Variants in CD93 observed in about 807,000 individuals in gnomAD.
CD93 encodes the protein CD93 molecule.
A neutral mutation model predicts 45.5 loss-of-function variants in CD93; 44 were observed. The observed-to-expected ratio is 0.97, with a 90% CI of 0.76 to 1.24. CD93 has a LOEUF of 1.24. Ranked by LOEUF, CD93 falls within the 50% of genes most tolerant of loss-of-function variation. The pLI is 0.00. For synonymous variants in CD93, 431 were observed against 370.8 expected, an observed-to-expected ratio of 1.16 and a Z score of -1.87; for missense variants, 918 against 844.5, an observed-to-expected ratio of 1.09 and a Z score of -1.08.
In CD93 at chr20:23,085,360, C is replaced by T. The variant is rs200571735; in HGVS notation, c.833G>A (p.Gly278Glu). ...NGGCHQDCFE[G>E]GDGSFLCGCR... Reference sequence around the variant, plus strand: ...GCCGCAGAGGAAGGAGCCATCCCCCCCTTCAAAGCAGTCCTGGTGGCAGCC... The same window carrying T: ...GCCGCAGAGGAAGGAGCCATCCCCCTCTTCAAAGCAGTCCTGGTGGCAGCC... Residue 278 changes from glycine to glutamate, a missense_variant, in exon 1 of 2, where the codon GGG becomes GAG. By Grantham distance (98) the Gly-to-Glu change is moderately conservative. Transcript: ENST00000246006. 1.8e-4 allele frequency: 284 copies of T among 1,614,048 alleles called. 1 individual carries two copies. Among genetic ancestry groups the T allele is most frequent in the Non-Finnish European group, 2.3e-4 (266 of 1,179,996 alleles).
Position 23,085,726 on chromosome 20 carries a change from C to T in CD93, c.467G>A (p.Arg156His), listed in dbSNP as rs1489790839. 1.5e-5 allele frequency: 24 copies of T among 1,611,050 alleles called. No homozygotes were observed. Among genetic ancestry groups the T allele is most frequent in the African/African-American group, 2.7e-5 (2 of 75,048 alleles). The change falls in exon 1 of 2, where the codon CGC becomes CAC. Residue 156 changes from arginine to histidine, a missense_variant. Coordinates refer to ENST00000246006, the MANE Select transcript of CD93 (RefSeq NM_012072.4). ...LDLSQPLLPS[R>H]LPKWSEGPCG... ...GGGGCCCTCAGACCACTTGGGGAGG[C>T]GGCTGGGAAGGAGCGGCTGGGACAG...
Position 23,086,306 on chromosome 20 carries a change from C to G in CD93, c.-114G>C, listed in dbSNP as rs1239368134. On this transcript the variant is annotated 5_prime_UTR_variant, in exon 1 of 2. Transcript: ENST00000246006. ...AGCTGAGGGGTGAGCTGCAGCCACT[C>G]CGGCGCAGAGAAGGACACAAAGGCT... 6 of 1,315,206 alleles carry G rather than the reference C, an allele frequency of 4.6e-6. No individual in the cohort carries two copies. In the African/African-American group the frequency reaches 8.9e-5, roughly 20 times the overall value. The allele number at this position is 1,315,206 out of a possible 1,614,324, so 81.5% of individuals were successfully genotyped here.
chr20:23,084,925 G>C lies in CD93; in HGVS notation c.1268C>G (p.Thr423Ser), dbSNP rs755349124. The C allele has an allele frequency of 1.2e-6, 2 of 1,613,358 alleles. No individual in the cohort carries two copies. Among genetic ancestry groups the C allele is most frequent in the South Asian group, 2.2e-5 (2 of 91,080 alleles). Residue 423 changes from threonine to serine, a missense_variant, in exon 1 of 2, where the codon ACT becomes AGT. By Grantham distance (58) the Thr-to-Ser change is moderately conservative. Transcript: ENST00000246006. ...EGYVLAGEDG[T>S]QCQDVDECVG... ...ACACTCATCCACGTCCTGGCACTGA[G>C]TCCCGTCCTCCCCGGCCAGGACGTA...
chr20:23,085,071 C>A lies in CD93; in HGVS notation c.1122G>T (p.Glu374Asp), dbSNP rs764669341. 22 of 1,612,182 alleles carry A rather than the reference C, an allele frequency of 1.4e-5. No homozygotes were observed. In the South Asian group the frequency reaches 2.0e-4, roughly 15 times the overall value. The change falls in exon 1 of 2, where the codon GAG becomes GAT. Residue 374 changes from glutamate to aspartate, a missense_variant. Glu to Asp is a conservative substitution (Grantham distance 45). Coordinates refer to ENST00000246006, the MANE Select transcript of CD93 (RefSeq NM_012072.4). ...AGGCCCCCTCTCCAGGACCGCCCGG[C>A]TCATAGCCAACCCAGCATTCGCAGC... ...GFRCECWVGY[E>D]PGGPGEGACQ... is the part of the protein sequence containing the mutation.
rs1012336062 is a variant in CD93, at chr20:23,085,605, T to C, written c.588A>G (p.Pro196=). Residue 196 remains proline (P), a synonymous_variant, in exon 1 of 2, where the codon CCA becomes CCG. Transcript: ENST00000246006. ...GMCRPLALGG[P]GQVTYTTPFQ... ...AGGGGGTGGTGTAGGTCACCTGACC[T>C]GGGCCCCCCAGGGCCAGAGGCCGGC... 6.2e-7 allele frequency: 1 copy of C among 1,613,400 alleles called. No individual in the cohort carries two copies.
chr20:23,084,836 C>T lies in CD93; in HGVS notation c.1357G>A (p.Gly453Ser). 6.2e-7 allele frequency: 1 copy of T among 1,613,428 alleles called. No homozygotes were observed. Among genetic ancestry groups the T allele is most frequent in the Non-Finnish European group, 8.5e-7 (1 of 1,179,992 alleles). Residue 453 changes from glycine to serine, a missense_variant, in exon 1 of 2, where the codon GGC becomes AGC. Coordinates refer to ENST00000246006, the MANE Select transcript of CD93 (RefSeq NM_012072.4). ...GCCAGCACCCAGCCTGGCAGGCAGC[C>T]ACAGTGGAAGGACCCTTGTGTGTTG... Reference protein sequence around the residue: ...CFNTQGSFHCGCLPGWVLAPN... With the variant: ...CFNTQGSFHCSCLPGWVLAPN...
rs373163454 is a variant in CD93, at chr20:23,082,221, T to G, written c.*1729A>C. 6.6e-6 allele frequency: 1 copy of G among 152,330 alleles called. No individual in the cohort carries two copies. The highest frequency in any genetic ancestry group is 2.4e-5 in the African/African-American group (1 of 41,580). The allele number at this position is 152,330 out of a possible 1,614,324, so 9.4% of individuals were successfully genotyped here. On this transcript the variant is annotated 3_prime_UTR_variant, in exon 2 of 2. Coordinates refer to ENST00000246006, the MANE Select transcript of CD93 (RefSeq NM_012072.4). ...CCCTTTAGTTTTCTATTAAAAACAATCTGAACCATAGCATCTATATTTCAA... is the reference window on the plus strand; with the variant it reads ...CCCTTTAGTTTTCTATTAAAAACAAGCTGAACCATAGCATCTATATTTCAA...
In CD93 at chr20:23,084,965, AG is replaced by A; in HGVS notation, c.1227del (p.Ser410ProfsTer178). ...GCCAGGACGTAGCCCTCCTCACAGG[AG>A]CAGTGAAATGAGCCATCTGTGTTGG... ...GCTNTDGSFH[C>X]SCEEGYVLAG... On this transcript the variant is annotated frameshift_variant, in exon 1 of 2. Coordinates refer to ENST00000246006, the MANE Select transcript of CD93 (RefSeq NM_012072.4). LOFTEE classifies it high-confidence loss of function. The A allele has an allele frequency of 6.2e-7, 1 of 1,613,764 alleles. No individual in the cohort carries two copies. Among genetic ancestry groups the A allele is most frequent in the Non-Finnish European group, 8.5e-7 (1 of 1,180,000 alleles).
rs1985395122 is a variant in CD93, at chr20:23,083,912, T to A, written c.*38A>T. ...GGGGAGTTCAAAGCTCTGAGGATGG[T>A]GGCTGGTGACTCTAGTGTCTCTAGG... On this transcript the variant is annotated 3_prime_UTR_variant, in exon 2 of 2. Coordinates refer to ENST00000246006, the MANE Select transcript of CD93 (RefSeq NM_012072.4). 3 of 1,605,524 alleles carry A rather than the reference T, an allele frequency of 1.9e-6. No individual in the cohort carries two copies. The East Asian group carries it at 6.7e-5, about 36-fold the overall frequency.
Position 23,081,822 on chromosome 20 carries a change from G to A in CD93, c.*2128C>T, listed in dbSNP as rs1421366812. On this transcript the variant is annotated 3_prime_UTR_variant, in exon 2 of 2. Coordinates refer to ENST00000246006, the MANE Select transcript of CD93 (RefSeq NM_012072.4). ...ACAGACTGCGTTGGGGCTGTGGGAA[G>A]CCAAGGACAGAAATGTCTCCTTCAC... The A allele has an allele frequency of 6.6e-6, 1 of 152,234 alleles. No homozygotes were observed. The highest frequency in any genetic ancestry group is 1.9e-4 in the East Asian group (1 of 5,190). 9.4% of individuals were successfully genotyped at this position (152,234 alleles called of 1,614,324 possible).
In CD93 at chr20:23,081,488, C is replaced by T. The variant is rs1392124533; in HGVS notation, c.*2462G>A. 1 of 152,246 alleles carries T rather than the reference C, an allele frequency of 6.6e-6. No homozygotes were observed. The highest frequency in any genetic ancestry group is 6.5e-5 in the Admixed American group (1 of 15,284). 9.4% of individuals were successfully genotyped at this position (152,246 alleles called of 1,614,324 possible). On this transcript the variant is annotated 3_prime_UTR_variant, in exon 2 of 2. Coordinates refer to ENST00000246006, the MANE Select transcript of CD93 (RefSeq NM_012072.4). ...AGGAGAATAAAGCACGTGTTTGAGCCCAGTGGTTTCCATCAGATGCACAAC... is the reference window on the plus strand; with the variant it reads ...AGGAGAATAAAGCACGTGTTTGAGCTCAGTGGTTTCCATCAGATGCACAAC...
rs768015562 is a variant in CD93, at chr20:23,085,598, C to T, written c.595G>A (p.Val199Met). The T allele has an allele frequency of 4.3e-6, 7 of 1,613,720 alleles. No homozygotes were observed. Among genetic ancestry groups the T allele is most frequent in the Non-Finnish European group, 4.2e-6 (5 of 1,180,028 alleles). Residue 199 changes from valine to methionine, a missense_variant, in exon 1 of 2, where the codon GTG becomes ATG. Coordinates refer to ENST00000246006, the MANE Select transcript of CD93 (RefSeq NM_012072.4). ...GTCTGGAAGGGGGTGGTGTAGGTCACCTGACCTGGGCCCCCCAGGGCCAGA... is the reference window on the plus strand; with the variant it reads ...GTCTGGAAGGGGGTGGTGTAGGTCATCTGACCTGGGCCCCCCAGGGCCAGA... The part of the protein sequence containing the change: ...RPLALGGPGQ[V>M]TYTTPFQTTS...
Position 23,084,401 on chromosome 20 carries a change from C to A in CD93, c.1792G>T (p.Ala598Ser). 1 of 1,614,206 alleles carries A rather than the reference C, an allele frequency of 6.2e-7. No homozygotes were observed. The highest frequency in any genetic ancestry group is 1.1e-5 in the South Asian group (1 of 91,086). The stretch of plus-strand genomic sequence containing the variant: ...TAGACCAGTAGCCCCAGAGCCAGGG[C>A]CAGCAGGAGTAGGATGGCCACCACG... Reference protein sequence around the residue: ...GTVVAILLLLALALGLLVYRK... With the variant: ...GTVVAILLLLSLALGLLVYRK... The change falls in exon 1 of 2, where the codon GCC becomes TCC. Residue 598 changes from alanine to serine, a missense_variant. Coordinates refer to ENST00000246006, the MANE Select transcript of CD93 (RefSeq NM_012072.4).
At position 23,086,216 on chromosome 20, in the gene CD93, C is replaced by A. The variant is rs41394246; in HGVS notation, c.-24G>T. 1.1e-5 allele frequency: 17 copies of A among 1,487,262 alleles called. No individual in the cohort carries two copies. The South Asian group carries it at 1.7e-4, about 15-fold the overall frequency. 92.1% of individuals were successfully genotyped at this position (1,487,262 alleles called of 1,614,324 possible). A position where few individuals can be genotyped will look rare whatever the true frequency, so the allele number is the denominator to read the frequency against. ...ATCCCGGTCTCTGTGTGGCCCTCTG[C>A]GGGAGGCGAGAAGCCCAGCGGCGAC... On this transcript the variant is annotated 5_prime_UTR_variant, in exon 1 of 2. Transcript: ENST00000246006.
intron 1 of CD93, 66 bp downstream of exon 1, chr20:23,084,193 T>C (rs1985404519): frequency 6.4e-7 from 1 of 1,567,462 alleles, no homozygotes; most frequent in African/African-American, 1.3e-5. Context: ...TGCCACCTCT[T>C]TGTACTGTAG....
chr20:23,083,797 G>A lies in CD93; in HGVS notation c.*153C>T, dbSNP rs937639321. 8 of 729,840 alleles carry A rather than the reference G, an allele frequency of 1.1e-5. No individual in the cohort carries two copies. The African/African-American group carries it at 1.4e-4, about 13-fold the overall frequency. The allele number at this position is 729,840 out of a possible 1,614,324, so 45.2% of individuals were successfully genotyped here. A position where few individuals can be genotyped will look rare whatever the true frequency, so the allele number is the denominator to read the frequency against. On this transcript the variant is annotated 3_prime_UTR_variant, in exon 2 of 2. Coordinates refer to ENST00000246006, the MANE Select transcript of CD93 (RefSeq NM_012072.4). ...AAACACCCGTAGAAAATACCTGCATGTTCCAAGGGGCCTTTAAGGAGGAGA... is the reference window on the plus strand; with the variant it reads ...AAACACCCGTAGAAAATACCTGCATATTCCAAGGGGCCTTTAAGGAGGAGA...
In CD93 at chr20:23,084,640, C is replaced by G. The variant is rs779726592; in HGVS notation, c.1553G>C (p.Arg518Thr). ...GTPKATPTTSRPSLSSDAPIT... is the reference protein window; with the variant it reads ...GTPKATPTTSTPSLSSDAPIT... ...GGGGGCGTCAGATGACAGCGAAGGT[C>G]TACTTGTGGTGGGTGTAGCCTTGGG... Residue 518 changes from arginine (R) to threonine (T), a missense_variant, in exon 1 of 2, where the codon AGA becomes ACA. Transcript: ENST00000246006. The G allele has an allele frequency of 6.2e-7, 1 of 1,600,736 alleles. No individual in the cohort carries two copies. The highest frequency in any genetic ancestry group is 2.2e-5 in the East Asian group (1 of 44,760).
chr20:23,083,719 C>G lies in CD93; in HGVS notation c.*231G>C, dbSNP rs1985389905. ...GGGGGAGTAACAATCATTATAGAGT[C>G]ACGAAATCCCCACCGTGGCACGCCA... is the stretch of plus-strand genomic sequence containing the variant. On this transcript the variant is annotated 3_prime_UTR_variant, in exon 2 of 2. Coordinates refer to ENST00000246006, the MANE Select transcript of CD93 (RefSeq NM_012072.4). The G allele has an allele frequency of 1.7e-6, 1 of 594,514 alleles. No homozygotes were observed. Among genetic ancestry groups the G allele is most frequent in the African/African-American group, 1.9e-5 (1 of 53,710 alleles). The allele number at this position is 594,514 out of a possible 1,614,324, so 36.8% of individuals were successfully genotyped here.
chr20:23,083,536 G>A lies in CD93; in HGVS notation c.*414C>T. The A allele has an allele frequency of 5.5e-6, 1 of 183,446 alleles. No individual in the cohort carries two copies. The highest frequency in any genetic ancestry group is 1.1e-5 in the Non-Finnish European group (1 of 87,894). The allele number at this position is 183,446 out of a possible 1,614,324, so 11.4% of individuals were successfully genotyped here. A position where few individuals can be genotyped will look rare whatever the true frequency, so the allele number is the denominator to read the frequency against. ...TTAATTGATTTAGTTTTCATCCTAG[G>A]AAGAGAAACAAATCATTTCAATCCT... On this transcript the variant is annotated 3_prime_UTR_variant, in exon 2 of 2. Transcript: ENST00000246006.
Sources: allele counts gnomAD v4.1 joint callset, GRCh38; gene constraint gnomAD v4.1.1; transcripts MANE v1.5; gene names NCBI Gene and HGNC (gene_info 2026-07-23, HGNC 2026-07-21).